RPS6KB2: variants seen among roughly 807,000 people sequenced by gnomAD.
The protein encoded by RPS6KB2 is ribosomal protein S6 kinase beta-2.
Under a neutral mutation model 58.2 loss-of-function variants are expected in RPS6KB2, and 51 were observed. The ratio of observed to expected loss-of-function variants is 0.88; its 90% CI spans 0.70 to 1.11. The LOEUF (loss-of-function observed/expected upper bound fraction) is 1.11. RPS6KB2 is among the 50% of genes least tolerant of loss of function. The pLI, the probability that RPS6KB2 is intolerant of heterozygous loss-of-function variation, is 0.00. For synonymous variants in RPS6KB2, 293 were observed against 258.6 expected (o/e 1.13, Z -1.28); for missense variants, 671 against 655.8 (o/e 1.02, Z -0.25).
Position 67,434,970 on chromosome 11 carries a change from G to T in RPS6KB2, c.1269-19G>T, listed in dbSNP as rs1864214839. On this transcript the variant is annotated intron_variant, in intron 14 of 14. Transcript: ENST00000312629. ...GCAGGGCCTAGGAGGCTCTTATTCT[G>T]CCTTGGTTTCCCCTGCAGCCCCCTC... is the stretch of plus-strand genomic sequence containing the variant. The T allele has an allele frequency of 6.2e-7, 1 of 1,611,658 alleles. No individual in the cohort carries two copies. Among genetic ancestry groups the T allele is most frequent in the African/African-American group, 1.3e-5 (1 of 74,872 alleles).
chr11:67,434,131 C>A (rs1486541862), intron 11 of RPS6KB2, 67 bp from the exon 12 acceptor site: 8 of 1,610,688 alleles, frequency 5.0e-6, no homozygotes, highest in Non-Finnish European at 6.8e-6. Flanking sequence ...GGCCCCAGGG[C>A]AGAGGGAGTG....
intron 3 of RPS6KB2, 117 bp from the exon 4 acceptor site, chr11:67,429,409 AC>A: frequency 7.3e-7 from 1 of 1,360,962 alleles, no homozygotes; most frequent in Non-Finnish European, 1.0e-6. Flanking sequence ...TGAAATCTTC[AC>A]TGCCCCACCC....
chr11:67,435,050 G>A lies in RPS6KB2; in HGVS notation c.1330G>A (p.Glu444Lys), dbSNP rs773744198. The A allele has an allele frequency of 4.3e-6, 7 of 1,613,024 alleles. No individual in the cohort carries two copies. The highest frequency in any genetic ancestry group is 5.9e-6 in the Non-Finnish European group (7 of 1,179,746). ...CAGCCCCAGCCTGCCGGAGCCCACGGAGCTACCTCTACCTCCACTCCTGCC... is the reference window on the plus strand; with the variant it reads ...CAGCCCCAGCCTGCCGGAGCCCACGAAGCTACCTCTACCTCCACTCCTGCC... The part of the protein sequence containing the change: ...RPSPSLPEPT[E>K]LPLPPLLPPP... Residue 444 changes from glutamate (E) to lysine (K), a missense_variant, in exon 15 of 15, where the codon GAG (glutamate) becomes AAG (lysine). Physicochemically the swap from Glu to Lys is moderately conservative, Grantham distance 56. Transcript: ENST00000312629.
At position 67,429,212 on chromosome 11, in the gene RPS6KB2, G is replaced by A. The variant is rs773118951; in HGVS notation, c.212G>A (p.Arg71His). Residue 71 changes from arginine to histidine, a missense_variant, in exon 3 of 15, where the codon CGT becomes CAT. By Grantham distance (29) the Arg-to-His change is conservative (BLOSUM62 0). Coordinates refer to ENST00000312629, the MANE Select transcript of RPS6KB2 (RefSeq NM_003952.3). Reference protein sequence around the residue: ...RIGPHCFELLRVLGKGGYGKV... With the variant: ...RIGPHCFELLHVLGKGGYGKV... ...GGGCCCCACTGCTTTGAGCTGCTGC[G>A]TGTGCTGGGCAAGGGGGGCTATGGC... 1.7e-5 allele frequency: 27 copies of A among 1,613,484 alleles called. No individual in the cohort carries two copies. The highest frequency in any genetic ancestry group is 1.7e-4 in the Admixed American group (10 of 60,014).
intron 4 of RPS6KB2, chr11:67,430,007 G>A: frequency 6.0e-6 from 1 of 166,370 alleles, no homozygotes; most frequent in South Asian, 1.2e-4. Context: ...TAGAGGTGGG[G>A]TTTCGCCTGG....
At position 67,433,126 on chromosome 11, in the gene RPS6KB2, G is replaced by C. The variant is rs746416624; in HGVS notation, c.708G>C (p.Met236Ile). Residue 236 changes from methionine (M) to isoleucine (I), a missense_variant and splice_region_variant, in exon 9 of 15, where the codon ATG becomes ATC. By Grantham distance (10) the Met-to-Ile change is conservative. Transcript: ENST00000312629. ...ACTGACAGTTCCACCTGGACCCCAGGGCCCCTGAGATTCTGGTGCGCAGTG... is the reference window on the plus strand; with the variant it reads ...ACTGACAGTTCCACCTGGACCCCAGCGCCCCTGAGATTCTGGTGCGCAGTG... The part of the protein sequence containing the change: ...THTFCGTIEY[M>I]APEILVRSGH... 1.2e-6 allele frequency: 2 copies of C among 1,604,744 alleles called. No homozygotes were observed. The highest frequency in any genetic ancestry group is 1.7e-6 in the Non-Finnish European group (2 of 1,176,472).
chr11:67,428,577 C>T lies in RPS6KB2; in HGVS notation c.32C>T (p.Thr11Met), dbSNP rs1418351304. 2.4e-5 allele frequency: 39 copies of T among 1,611,044 alleles called. No individual in the cohort carries two copies. The highest frequency in any genetic ancestry group is 3.1e-5 in the Non-Finnish European group (36 of 1,179,158). Residue 11 changes from threonine (T) to methionine (M), a missense_variant, in exon 1 of 15, where the codon ACG becomes ATG. Physicochemically the swap from Thr to Met is moderately conservative, Grantham distance 81. Transcript: ENST00000312629. MAAVFDLDLETEEGSEGEGEP... is the reference protein window; with the variant it reads MAAVFDLDLEMEEGSEGEGEP... ...GCCGTGTTTGATTTGGATTTGGAGA[C>T]GGAGGAAGGCAGCGAGGGCGAGGGC...
Position 67,434,502 on chromosome 11 carries a change from AGGCCTGT to A in RPS6KB2, c.1155+21_1155+27del. 1 of 1,604,826 alleles carries A rather than the reference AGGCCTGT, an allele frequency of 6.2e-7. No individual in the cohort carries two copies. The highest frequency in any genetic ancestry group is 1.1e-5 in the South Asian group (1 of 90,886). On this transcript the variant is annotated intron_variant, in intron 13 of 14. Transcript: ENST00000312629. ...CCTTCCTGGTGAGTGCGGGGGCCTG[AGGCCTGT>A]GGGACCAGGGCACGGATCGTGACTA...
At chr11:67,429,626 T>C (rs1863960356) in intron 4 of RPS6KB2, 31 bp downstream of exon 4, 3 of 1,536,736 alleles carry the variant, frequency 2.0e-6, no homozygotes, top group Non-Finnish European at 2.7e-6. Flanking sequence ...ACGAATACTG[T>C]GTGGCTGCCA....
intron 10 of RPS6KB2, 98 bp downstream of exon 10, chr11:67,433,545 T>A: frequency 1.1e-6 from 1 of 901,986 alleles, no homozygotes; most frequent in Non-Finnish European, 1.8e-6. Context: ...CACCCCGGCC[T>A]GTGCAGTTTG....
At chr11:67,432,145 T>C in intron 5 of RPS6KB2, 1 of 371,356 alleles carries the variant, frequency 2.7e-6, no homozygotes, top group Non-Finnish European at 5.3e-6. Flanking sequence ...AGATGAACCC[T>C]GCGAGCTTCT....
intron 2 of RPS6KB2, 46 bp from the exon 3 acceptor site, chr11:67,429,074 T>C: frequency 6.2e-7 from 1 of 1,613,380 alleles, no homozygotes; most frequent in Non-Finnish European, 8.5e-7. Flanking sequence ...GAAGGGGAAC[T>C]GGGGAGCACT....
At chr11:67,429,099 A>G (rs1863940171) in intron 2 of RPS6KB2, 21 bp from the exon 3 acceptor site, 1 of 1,613,794 alleles carries the variant, frequency 6.2e-7, no homozygotes, top group Admixed American at 1.7e-5. Context: ...CCTTGTCCTC[A>G]TTAACTCCTT....
intron 13 of RPS6KB2, 27 bp downstream of exon 13, chr11:67,434,511 G>T: frequency 6.2e-7 from 1 of 1,603,818 alleles, no homozygotes; most frequent in Non-Finnish European, 8.5e-7. Flanking sequence ...GAGGCCTGTG[G>T]GACCAGGGCA....
rs979909704 is a variant in RPS6KB2, at chr11:67,435,339, G to C, written c.*170G>C. ...GCTGTGCCCCTGAATCATGGGCACG[G>C]AGGGCCGCCCGCCACGCCCCGCGCT... On this transcript the variant is annotated 3_prime_UTR_variant, in exon 15 of 15. Transcript: ENST00000312629. The C allele has an allele frequency of 5.7e-6, 4 of 703,362 alleles. No homozygotes were observed. Among genetic ancestry groups the C allele is most frequent in the Non-Finnish European group, 9.2e-6 (4 of 435,970 alleles). 43.6% of individuals were successfully genotyped at this position (703,362 alleles called of 1,614,324 possible).
intron 14 of RPS6KB2, 64 bp from the exon 15 acceptor site, chr11:67,434,925 C>G: frequency 3.4e-6 from 5 of 1,481,022 alleles, no homozygotes; most frequent in Non-Finnish European, 4.7e-6. Flanking sequence ...CCTTCCCTGA[C>G]TGAGTGCTGG....
intron 1 of RPS6KB2, 84 bp downstream of exon 1, chr11:67,428,707 A>G: frequency 1.5e-6 from 2 of 1,347,506 alleles, no homozygotes; most frequent in African/African-American, 1.5e-5. Flanking sequence ...CCGCACGCCC[A>G]GAGCGGGCTC....
chr11:67,434,455 C>T lies in RPS6KB2; in HGVS notation c.1126C>T (p.Leu376Phe). ...TPVDSPDDTA[L>F]SESANQAFLG... ...GGTGGACAGTCCTGATGACACAGCC[C>T]TCAGCGAGAGTGCCAACCAGGCCTT... is the stretch of plus-strand genomic sequence containing the variant. The change falls in exon 13 of 15, where the codon CTC becomes TTC. Residue 376 changes from leucine (L) to phenylalanine (F), a missense_variant. Transcript: ENST00000312629. The T allele has an allele frequency of 6.2e-7, 1 of 1,612,792 alleles. No homozygotes were observed. The highest frequency in any genetic ancestry group is 8.5e-7 in the Non-Finnish European group (1 of 1,179,980).
Position 67,429,145 on chromosome 11 carries a change from G to C in RPS6KB2, c.145G>C (p.Glu49Gln). ...GCCTGTGGGACACTATGAAGAGGTG[G>C]AGCTGACTGAGACCAGCGTGAACGT... ...LEPVGHYEEV[E>Q]LTETSVNVGP... The change falls in exon 3 of 15, where the codon GAG (glutamate) becomes CAG (glutamine). Residue 49 changes from glutamate (E) to glutamine (Q), a missense_variant. Coordinates refer to ENST00000312629, the MANE Select transcript of RPS6KB2 (RefSeq NM_003952.3). 6.2e-7 allele frequency: 1 copy of C among 1,613,972 alleles called. No individual in the cohort carries two copies. The highest frequency in any genetic ancestry group is 8.5e-7 in the Non-Finnish European group (1 of 1,180,024).
Sources: gnomAD v4.1 joint callset for allele counts on GRCh38, gnomAD v4.1.1 for gene constraint, MANE v1.5 for transcripts, NCBI Gene and HGNC (gene_info 2026-07-23, HGNC 2026-07-21) for gene names.